RYR2: variants seen among roughly 807,000 people sequenced by gnomAD.
RYR2 encodes the protein cardiac muscle ryanodine receptor-calcium release channel.
A neutral mutation model predicts 601.1 loss-of-function variants in RYR2; 227 were observed. The ratio of observed to expected loss-of-function variants is 0.38; its 90% CI spans 0.34 to 0.42. The LOEUF (loss-of-function observed/expected upper bound fraction) is 0.42. RYR2 is among the 10% of genes least tolerant of loss of function. The pLI is 1.00. For missense variants in RYR2, 4,646 were observed against 6,156.5 expected (o/e 0.75, Z 8.21); for synonymous variants, 2,223 against 2,175.1 (o/e 1.02, Z -0.61).
intron 80 of RYR2, among the ~76,000 whole-genome samples, chr1:237,750,548 A>G (rs1692458326): frequency 6.6e-6 from 1 of 150,902 alleles, no homozygotes; most frequent in South Asian, 2.1e-4. Flanking sequence ...TTCATTATAA[A>G]TATCAATATC....
chr1:237,736,211 A>G (rs1691128996), intron 79 of RYR2, among the ~76,000 whole-genome samples: 1 of 152,126 alleles, frequency 6.6e-6, no homozygotes, highest in Non-Finnish European at 1.5e-5. Context: ...CTATAATCTC[A>G]GCACTTTGGG....
chr1:237,429,155 T>C (rs964156845), intron 12 of RYR2, among the ~76,000 whole-genome samples: 1 of 152,124 alleles, frequency 6.6e-6, no homozygotes, highest in African/African-American at 2.4e-5. Flanking sequence ...CTTGGCTTTT[T>C]AAATAAAAGA....
At chr1:237,486,570 A>G (rs1662711155) in intron 17 of RYR2, among the ~76,000 whole-genome samples, 1 of 152,200 alleles carries the variant, frequency 6.6e-6, no homozygotes, top group African/African-American at 2.4e-5. Flanking sequence ...TATATACTGT[A>G]GAGAGGAAAG....
At chr1:237,322,820 A>G (rs12079718) in intron 2 of RYR2, among the ~76,000 whole-genome samples, 2 of 134,528 alleles carry the variant, frequency 1.5e-5, no homozygotes, top group East Asian at 2.2e-4. Flanking sequence ...AAACACACAC[A>G]CGTGTGTGTG....
At chr1:237,100,473 A>G (rs1448529224) in intron 1 of RYR2, among the ~76,000 whole-genome samples, 1 of 145,840 alleles carries the variant, frequency 6.9e-6, no homozygotes, top group African/African-American at 2.5e-5. Flanking sequence ...TGCAACCTCC[A>G]CTTCCCAGAT....
chr1:237,302,777 A>G (rs1041454536), intron 2 of RYR2, among the ~76,000 whole-genome samples: 2 of 152,212 alleles, frequency 1.3e-5, no homozygotes, highest in African/African-American at 4.8e-5. Context: ...TATAAACAAT[A>G]CTACAGTGAA....
At chr1:237,558,171 C>A (rs1671094397) in intron 27 of RYR2, among the ~76,000 whole-genome samples, 1 of 152,046 alleles carries the variant, frequency 6.6e-6, no homozygotes, top group African/African-American at 2.4e-5. Context: ...ACACTTATTC[C>A]CCTAAGGTTA....
intron 11 of RYR2, among the ~76,000 whole-genome samples, chr1:237,421,441 C>T (rs150347091): frequency 1.2e-3 from 176 of 152,026 alleles, no homozygotes; most frequent in Non-Finnish European, 1.5e-3. Flanking sequence ...TATTAGTATA[C>T]GGTTATTAAC....
chr1:237,055,241 G>C (rs1270044687), intron 1 of RYR2, among the ~76,000 whole-genome samples: 6 of 152,100 alleles, frequency 3.9e-5, no homozygotes, highest in African/African-American at 1.4e-4. Flanking sequence ...GGGGGGACTG[G>C]GGAGCCCTGA....
chr1:237,083,753 A>T (rs1486709953), intron 1 of RYR2, among the ~76,000 whole-genome samples: 1 of 152,108 alleles, frequency 6.6e-6, no homozygotes, highest in Non-Finnish European at 1.5e-5. Flanking sequence ...ACTGCTTCTT[A>T]TATTACTGGC....
At chr1:237,083,420 C>G (rs1665970552) in intron 1 of RYR2, among the ~76,000 whole-genome samples, 1 of 152,134 alleles carries the variant, frequency 6.6e-6, no homozygotes, top group Admixed American at 6.6e-5. Context: ...ACTCGGGGAT[C>G]TCATGCAGAA....
intron 1 of RYR2, among the ~76,000 whole-genome samples, chr1:237,081,097 A>C (rs1162031976): frequency 2.3e-4 from 18 of 78,038 alleles, no homozygotes; most frequent in Middle Eastern, 5.6e-3. Flanking sequence ...ACATGGACAC[A>C]GGAAGGGGAA....
intron 1 of RYR2, among the ~76,000 whole-genome samples, chr1:237,252,593 A>G (rs1184365614): frequency 6.6e-6 from 1 of 152,208 alleles, no homozygotes; most frequent in African/African-American, 2.4e-5. Flanking sequence ...TATGTGTTGA[A>G]TGAATGAATT....
intron 12 of RYR2, among the ~76,000 whole-genome samples, chr1:237,428,743 G>C (rs115934405): frequency 0.054 from 6,097 of 112,848 alleles, 168 homozygotes; most frequent in South Asian, 0.084. Context: ...TTCTGCACAT[G>C]TATCCTGGAA....
chr1:237,633,320 T>C (rs1202572242), intron 42 of RYR2, among the ~76,000 whole-genome samples: 1 of 152,146 alleles, frequency 6.6e-6, no homozygotes, highest in Non-Finnish European at 1.5e-5. Flanking sequence ...CCTTTCACCT[T>C]TGAGAATGCA....
At chr1:237,707,934 G>A (rs1434854050) in intron 68 of RYR2, among the ~76,000 whole-genome samples, 2 of 116,276 alleles carry the variant, frequency 1.7e-5, no homozygotes, top group African/African-American at 5.6e-5. Context: ...ACCATGCCCA[G>A]CTAATTTTTT....
chr1:237,527,809 CAT>C (rs1489870405), intron 24 of RYR2, among the ~76,000 whole-genome samples: 1 of 152,118 alleles, frequency 6.6e-6, no homozygotes, highest in African/African-American at 2.4e-5. Context: ...TCAAGAGAAA[CAT>C]GTGCAGTAGT....
chr1:237,747,235 T>G (rs1055715420), intron 80 of RYR2, among the ~76,000 whole-genome samples: 1 of 152,218 alleles, frequency 6.6e-6, no homozygotes, highest in Non-Finnish European at 1.5e-5. Context: ...ATCTTCCTTT[T>G]GGCGAATGCC....
intron 1 of RYR2, among the ~76,000 whole-genome samples, chr1:237,086,734 G>A (rs1275264667): frequency 6.6e-6 from 1 of 152,090 alleles, no homozygotes; most frequent in Non-Finnish European, 1.5e-5. Context: ...ACTTTACTTC[G>A]CGATGCTGGA....
Sources: gnomAD v4.1 joint callset for allele counts (sites outside exome capture counted in the v4.1 genomes callset) on GRCh38, gnomAD v4.1.1 for gene constraint, MANE v1.5 for transcripts, NCBI Gene and HGNC (gene_info 2026-07-23, HGNC 2026-07-21) for gene names.